Variants in CD226 observed in about 807,000 individuals in gnomAD.
The protein encoded by CD226 is CD226 antigen.
CD226 carries 24 observed loss-of-function variants against 34.9 expected under a neutral mutation model. The observed-to-expected ratio is 0.69, with a 90% CI of 0.50 to 0.97. The LOEUF (loss-of-function observed/expected upper bound fraction) is 0.97, where lower values mean the gene tolerates loss of function less well. CD226 is among the 50% of genes least tolerant of loss of function. The pLI is 0.00. For missense variants in CD226, 397 were observed against 412.7 expected, an observed-to-expected ratio of 0.96 and a Z score of 0.33; for synonymous variants, 148 against 147.4, an observed-to-expected ratio of 1.00 and a Z score of -0.03.
intron 3 of CD226, among the ~76,000 whole-genome samples, chr18:69,884,424 C>T (rs1262667662): frequency 6.6e-6 from 1 of 152,218 alleles, no homozygotes; most frequent in Non-Finnish European, 1.5e-5. Context: ...TTTCTCCTCC[C>T]TCCTTTCTTA....
At chr18:69,920,737 TG>T (rs1398491828) in intron 2 of CD226, among the ~76,000 whole-genome samples, 1 of 152,218 alleles carries the variant, frequency 6.6e-6, no homozygotes, top group Non-Finnish European at 1.5e-5. Flanking sequence ...ACTGTTATTA[TG>T]ACTCTCATTT....
chr18:69,896,407 T>C (rs1020428876), intron 2 of CD226, among the ~76,000 whole-genome samples: 4 of 152,178 alleles, frequency 2.6e-5, no homozygotes, highest in Non-Finnish European at 5.9e-5. Flanking sequence ...GGTCTCAATC[T>C]CCTGACCTTG....
intron 3 of CD226, among the ~76,000 whole-genome samples, chr18:69,879,463 C>G (rs1249727355): frequency 6.6e-6 from 1 of 152,104 alleles, no homozygotes; most frequent in Non-Finnish European, 1.5e-5. Context: ...CGATATTTCT[C>G]TTACCCATTT....
At position 69,935,858 on chromosome 18, in the gene CD226, G is replaced by T. The variant is rs552036578; in HGVS notation, c.382+10876C>A. Among the ~76,000 whole-genome samples, 65 of 152,258 alleles carry T rather than the reference G, an allele frequency of 4.3e-4. 1 individual carries two copies. Among genetic ancestry groups the T allele is most frequent in the African/African-American group, 1.5e-3 (62 of 41,538 alleles). ...AAAATATAAATACCTACAATAAGAAGGGTACAGTTTCAAGTTTACATAGGT... is the reference window on the plus strand; with the variant it reads ...AAAATATAAATACCTACAATAAGAATGGTACAGTTTCAAGTTTACATAGGT... On this transcript the variant is annotated intron_variant, in intron 2 of 5. Coordinates refer to ENST00000582621, the MANE Select transcript of CD226 (RefSeq NM_001303618.2).
At position 69,856,139 on chromosome 18, in the gene CD226, A is replaced by T. The variant is rs560765594; in HGVS notation, c.*8175T>A. 2.0e-5 allele frequency: 3 copies of T among 152,266 alleles called. No individual in the cohort carries two copies. In the South Asian group the frequency reaches 6.2e-4, roughly 32 times the overall value. The allele number at this position is 152,266 out of a possible 1,614,324, so 9.4% of individuals were successfully genotyped here. A position where few individuals can be genotyped will look rare whatever the true frequency, so the allele number is the denominator to read the frequency against. On this transcript the variant is annotated 3_prime_UTR_variant, in exon 6 of 6. Transcript: ENST00000582621. ...TGTGAGATGCTAATGTTAATTTTTT[A>T]AAAAACTGAAAGTTATGTTAATATC... is the stretch of plus-strand genomic sequence containing the variant.
chr18:69,911,450 T>A (rs1025374097), intron 2 of CD226, among the ~76,000 whole-genome samples: 3 of 152,112 alleles, frequency 2.0e-5, no homozygotes, highest in Non-Finnish European at 4.4e-5. Flanking sequence ...CAAAACAAAT[T>A]GAAAATAAAC....
chr18:69,955,493 T>C (rs2055888465), intron 1 of CD226, among the ~76,000 whole-genome samples: 1 of 152,144 alleles, frequency 6.6e-6, no homozygotes, highest in South Asian at 2.1e-4. Flanking sequence ...GTTTGCTCCC[T>C]CCACTCCTTC....
chr18:69,946,829 C>A lies in CD226; in HGVS notation c.287G>T (p.Arg96Leu). 6.2e-7 allele frequency: 1 copy of A among 1,614,008 alleles called. No homozygotes were observed. The highest frequency in any genetic ancestry group is 8.5e-7 in the Non-Finnish European group (1 of 1,179,996). The change falls in exon 2 of 6, where the codon CGG becomes CTG. Residue 96 changes from arginine (R) to leucine (L), a missense_variant. By Grantham distance (102) the Arg-to-Leu change is moderately radical. Coordinates refer to ENST00000582621, the MANE Select transcript of CD226 (RefSeq NM_001303618.2). ...MASNNMTLFF[R>L]NASEDDVGYY... ...GCCAACATCATCTTCAGAGGCATTCCGAAAGAAAAGAGTCATGTTATTGGA... is the reference window on the plus strand; with the variant it reads ...GCCAACATCATCTTCAGAGGCATTCAGAAAGAAAAGAGTCATGTTATTGGA...
intron 2 of CD226, among the ~76,000 whole-genome samples, chr18:69,900,189 C>A (rs992709512): frequency 6.6e-6 from 1 of 152,122 alleles, no homozygotes; most frequent in African/African-American, 2.4e-5. Context: ...AATTGAAAAC[C>A]AAATACCACA....
intron 3 of CD226, among the ~76,000 whole-genome samples, chr18:69,884,960 A>G (rs1984475005): frequency 6.6e-6 from 1 of 152,224 alleles, no homozygotes; most frequent in Non-Finnish European, 1.5e-5. Flanking sequence ...TGCTTATTCA[A>G]TAACAAAATT....
intron 2 of CD226, among the ~76,000 whole-genome samples, chr18:69,912,423 C>CT: frequency 6.6e-6 from 1 of 152,112 alleles, no homozygotes; most frequent in East Asian, 1.9e-4. Context: ...AATGATGCCC[C>CT]TTCTATGTTT....
chr18:69,888,414 C>CTTTTTT (rs1164377628), intron 3 of CD226, among the ~76,000 whole-genome samples: 2 of 101,438 alleles, frequency 2.0e-5, no homozygotes, highest in African/African-American at 6.3e-5. Flanking sequence ...TTTTTCCTTT[C>CTTTTTT]TCTTTTTTTT....
chr18:69,899,055 C>T (rs1985462131), intron 2 of CD226, among the ~76,000 whole-genome samples: 1 of 152,172 alleles, frequency 6.6e-6, no homozygotes, highest in Admixed American at 6.5e-5. Flanking sequence ...GTTGTTTTCC[C>T]ATGATTTTTA....
intron 3 of CD226, among the ~76,000 whole-genome samples, chr18:69,889,161 A>T (rs891789173): frequency 1.3e-5 from 2 of 152,056 alleles, no homozygotes; most frequent in African/African-American, 4.8e-5. Flanking sequence ...TTTCATCTGG[A>T]TACCCAGTTT....
intron 2 of CD226, among the ~76,000 whole-genome samples, chr18:69,902,477 C>T (rs950316779): frequency 2.6e-5 from 4 of 151,792 alleles, no homozygotes; most frequent in Non-Finnish European, 5.9e-5. Flanking sequence ...CCTTGGCTTC[C>T]GTGACATTGC....
At chr18:69,952,361 A>C (rs150970872), upstream of CD226, among the ~76,000 whole-genome samples, 2,231 of 152,348 alleles carry the variant, frequency 0.015, 24 homozygotes, top group South Asian at 0.038. Flanking sequence ...TTAAAAGTCC[A>C]GACTTCACCA....
intron 2 of CD226, among the ~76,000 whole-genome samples, chr18:69,943,440 C>A: frequency 6.6e-6 from 1 of 152,150 alleles, no homozygotes; most frequent in East Asian, 1.9e-4. Flanking sequence ...TTATTCTTAC[C>A]ATCAGAGTCT....
intron 2 of CD226, among the ~76,000 whole-genome samples, chr18:69,928,442 G>C (rs2055549994): frequency 6.6e-6 from 1 of 152,138 alleles, no homozygotes; most frequent in South Asian, 2.1e-4. Flanking sequence ...GTAATCACTA[G>C]ATGGAATGCA....
At chr18:69,957,135 A>C (rs1289567775), upstream of CD226, 1 of 152,118 alleles carries the variant, frequency 6.6e-6, no homozygotes, top group Non-Finnish European at 1.5e-5. Flanking sequence ...TTTTCCCCCA[A>C]AGAATCTATA....
Sources: gnomAD v4.1 joint callset for allele counts (sites outside exome capture counted in the v4.1 genomes callset) on GRCh38, gnomAD v4.1.1 for gene constraint, MANE v1.5 for transcripts, NCBI Gene and HGNC (gene_info 2026-07-23, HGNC 2026-07-21) for gene names.